JARID2: variants seen among roughly 807,000 people sequenced by gnomAD.
The protein encoded by JARID2 is jumonji and AT-rich interaction domain containing 2, also known as protein Jumonji.
In JARID2, 21 loss-of-function variants were observed where a neutral mutation model predicts 125.6. The ratio of observed to expected loss-of-function variants is 0.17; its 90% confidence interval spans 0.12 to 0.24. The LOEUF is 0.24. JARID2 is among the 10% of genes least tolerant of loss of function. The pLI, the probability that JARID2 is intolerant of heterozygous loss-of-function variation, is 1.00. For synonymous variants in JARID2, 736 were observed against 661.6 expected, an observed-to-expected ratio of 1.11 and a Z score of -1.73; for missense variants, 1,303 against 1,639.6, an observed-to-expected ratio of 0.79 and a Z score of 3.55.
rs193208476 is a variant in JARID2 at position 15,301,416 on chromosome 6, C to T, written c.45+54832C>T. On this transcript the variant is annotated intron_variant, in intron 1 of 17. Coordinates refer to ENST00000341776, the MANE Select transcript of JARID2 (RefSeq NM_004973.4). ...TGATATTCAGAGGTTTACTACATCT[C>T]ATTCATACCTTTATTTTTTTTCTAG... is the stretch of plus-strand genomic sequence containing the variant. 2.3e-3 allele frequency among the ~76,000 whole-genome samples: 346 copies of T among 152,244 alleles called. 3 individuals carry two copies. Among genetic ancestry groups the T allele is most frequent in the Admixed American group, 0.018 (282 of 15,284 alleles).
At chr6:15,441,882 C>G (rs551592512) in intron 3 of JARID2, among the ~76,000 whole-genome samples, 1 of 152,164 alleles carries the variant, frequency 6.6e-6, no homozygotes, top group South Asian at 2.1e-4. Flanking sequence ...ACCTCCACCT[C>G]CTGGGTTCAA....
In JARID2 at chr6:15,474,154, G is replaced by A. The variant is rs114459904; in HGVS notation, c.670+5436G>A. On this transcript the variant is annotated intron_variant, in intron 5 of 17. Transcript: ENST00000341776. Reference sequence around the variant, plus strand: ...ATATTGGGAGTAATCCCTCAGGCAAGAGGTGCTAATTGAACCTAAGAGTAT... The same window carrying A: ...ATATTGGGAGTAATCCCTCAGGCAAAAGGTGCTAATTGAACCTAAGAGTAT... Among the ~76,000 whole-genome samples the A allele has an allele frequency of 2.8e-3, 429 of 152,348 alleles. 2 individuals are homozygous for A. Among genetic ancestry groups the A allele is most frequent in the South Asian group, 0.014 (70 of 4,828 alleles).
intron 1 of JARID2, among the ~76,000 whole-genome samples, chr6:15,344,786 A>G (rs560763343): frequency 2.9e-4 from 44 of 152,200 alleles, no homozygotes; most frequent in African/African-American, 4.6e-4. Context: ...TTGTAATTCT[A>G]TGAACATCAA....
At position 15,517,192 on chromosome 6, in the gene JARID2, G is replaced by T; in HGVS notation, c.3482G>T (p.Cys1161Phe). Reference sequence around the variant, plus strand: ...CAAGAGAACGAAAACGTCGTGTTCTGTCTGGAGTGTGCTCTGCGCCACGTG... The same window carrying T: ...CAAGAGAACGAAAACGTCGTGTTCTTTCTGGAGTGTGCTCTGCGCCACGTG... ...VVQENENVVF[C>F]LECALRHVEK... is the part of the protein sequence containing the mutation. The change falls in exon 17 of 18, where the codon TGT (cysteine) becomes TTT (phenylalanine). Residue 1161 changes from cysteine to phenylalanine, a missense_variant. This residue lies in a region of JARID2 where 190 missense variants were observed against 341.4 expected (regional missense o/e 0.56). Coordinates refer to ENST00000341776, the MANE Select transcript of JARID2 (RefSeq NM_004973.4). 1 of 1,614,084 alleles carries T rather than the reference G, an allele frequency of 6.2e-7. No individual in the cohort carries two copies. The highest frequency in any genetic ancestry group is 8.5e-7 in the Non-Finnish European group (1 of 1,179,948).
chr6:15,331,937 C>A (rs1020687932), intron 1 of JARID2, among the ~76,000 whole-genome samples: 3 of 152,044 alleles, frequency 2.0e-5, no homozygotes, highest in African/African-American at 7.2e-5. Flanking sequence ...AAAAAAAAAT[C>A]CTAGACTTAA....
At chr6:15,261,285 C>G (rs1022359965) in intron 1 of JARID2, among the ~76,000 whole-genome samples, 2 of 150,348 alleles carry the variant, frequency 1.3e-5, no homozygotes, top group Admixed American at 6.6e-5. Context: ...CTATGAAGGC[C>G]TTGGATGGTG....
intron 5 of JARID2, among the ~76,000 whole-genome samples, chr6:15,481,616 G>T (rs1769619978): frequency 6.6e-6 from 1 of 152,088 alleles, no homozygotes; most frequent in South Asian, 2.1e-4. Flanking sequence ...CTCTGTCGGT[G>T]TTGCCCAGTC....
intron 1 of JARID2, among the ~76,000 whole-genome samples, chr6:15,275,972 G>A (rs1409775636): frequency 2.0e-5 from 3 of 152,210 alleles, no homozygotes; most frequent in Non-Finnish European, 4.4e-5. Context: ...CTGTTGTCCA[G>A]TGCTTCTGTA....
chr6:15,413,077 T>C (rs1433265871), intron 3 of JARID2, among the ~76,000 whole-genome samples: 1 of 135,220 alleles, frequency 7.4e-6, no homozygotes, highest in Non-Finnish European at 1.5e-5. Context: ...TGCAGTGCAA[T>C]GGTGCGATCT....
At chr6:15,258,780 T>TCAAAA (rs916800949) in intron 1 of JARID2, among the ~76,000 whole-genome samples, 5 of 152,244 alleles carry the variant, frequency 3.3e-5, no homozygotes, top group African/African-American at 1.2e-4. Context: ...AGATCCTGTC[T>TCAAAA]CAAAACAAAA....
At chr6:15,295,699 T>A (rs548714570) in intron 1 of JARID2, among the ~76,000 whole-genome samples, 5 of 152,346 alleles carry the variant, frequency 3.3e-5, no homozygotes, top group African/African-American at 1.2e-4. Flanking sequence ...AGTCTCGCTC[T>A]GTCACCTAAG....
chr6:15,489,232 GT>G (rs565025334), intron 6 of JARID2, among the ~76,000 whole-genome samples: 1 of 152,074 alleles, frequency 6.6e-6, no homozygotes, highest in Non-Finnish European at 1.5e-5. Context: ...GCTTTTTTGA[GT>G]TTTTTTAGTT....
At chr6:15,511,965 C>T (rs748248598) in intron 13 of JARID2, among the ~76,000 whole-genome samples, 10 of 152,308 alleles carry the variant, frequency 6.6e-5, no homozygotes, top group Middle Eastern at 3.4e-3. Context: ...GGCATTGCCA[C>T]GTGGGGACAG....
intron 2 of JARID2, among the ~76,000 whole-genome samples, chr6:15,377,517 G>T (rs919612104): frequency 2.0e-5 from 3 of 152,132 alleles, no homozygotes; most frequent in Admixed American, 6.5e-5. Context: ...CCAGGCTGGA[G>T]TGTAATGGCA....
intron 5 of JARID2, among the ~76,000 whole-genome samples, chr6:15,481,432 A>G (rs1769610769): frequency 6.6e-6 from 1 of 152,158 alleles, no homozygotes. Flanking sequence ...TTATGTTCAC[A>G]GGGTTTAATC....
At chr6:15,321,701 A>G (rs1398259529) in intron 1 of JARID2, among the ~76,000 whole-genome samples, 1 of 151,966 alleles carries the variant, frequency 6.6e-6, no homozygotes, top group Non-Finnish European at 1.5e-5. Flanking sequence ...AACAACAGAA[A>G]TGCTTTCTTT....
chr6:15,486,878 G>A (rs1581631873), intron 5 of JARID2, among the ~76,000 whole-genome samples: 1 of 141,058 alleles, frequency 7.1e-6, no homozygotes, highest in Admixed American at 7.3e-5. Flanking sequence ...ACTTCAGGGA[G>A]TAGAGGTGTA....
At chr6:15,409,791 C>A (rs1765801316) in intron 2 of JARID2, among the ~76,000 whole-genome samples, 1 of 152,144 alleles carries the variant, frequency 6.6e-6, no homozygotes, top group South Asian at 2.1e-4. Context: ...GATGCCTTTT[C>A]TTGTGTGGCA....
chr6:15,358,336 A>C (rs766041018), intron 1 of JARID2, among the ~76,000 whole-genome samples: 1 of 152,316 alleles, frequency 6.6e-6, no homozygotes, highest in East Asian at 1.9e-4. Context: ...GATATATTGA[A>C]TCAAAGATGG....
Sources: allele counts gnomAD v4.1 joint callset (sites outside exome capture counted in the v4.1 genomes callset), GRCh38; gene constraint gnomAD v4.1.1; regional missense constraint gnomAD v4.1.1; transcripts MANE v1.5; gene names NCBI Gene and HGNC (gene_info 2026-07-23, HGNC 2026-07-21).